DST: variants seen among roughly 807,000 people sequenced by gnomAD.
DST encodes dystonin.
DST carries 253 observed loss-of-function variants against 875.2 expected under a neutral mutation model. The observed-to-expected ratio is 0.29, with a 90% CI of 0.26 to 0.32. DST has a LOEUF of 0.32. DST is among the 10% of genes least tolerant of loss of function. The pLI is 1.00. For missense variants in DST, 8,287 were observed against 9,111.6 expected (o/e 0.91, Z 3.68); for synonymous variants, 3,124 against 3,197.1 (o/e 0.98, Z 0.77).
intron 4 of DST, among the ~76,000 whole-genome samples, chr6:56,744,193 G>T (rs1034383158): frequency 6.6e-6 from 1 of 151,866 alleles, no homozygotes; most frequent in Non-Finnish European, 1.5e-5. Flanking sequence ...ATTGTTAATG[G>T]TGGGAATCCA....
At chr6:56,770,226 C>G (rs1319732231) in intron 4 of DST, among the ~76,000 whole-genome samples, 1 of 152,100 alleles carries the variant, frequency 6.6e-6, no homozygotes, top group Non-Finnish European at 1.5e-5. Context: ...AACTGGGGTA[C>G]AGAGAAGTTA....
At chr6:56,950,337 A>G (rs1316859244) in intron 2 of DST, among the ~76,000 whole-genome samples, 3 of 152,148 alleles carry the variant, frequency 2.0e-5, no homozygotes, top group Admixed American at 2.0e-4. Context: ...TTCACTCTGG[A>G]TATTCTCAAA....
chr6:56,460,190 G>T lies in DST; in HGVS notation c.23135C>A (p.Ser7712Tyr). 6.2e-7 allele frequency: 1 copy of T among 1,613,998 alleles called. No individual in the cohort carries two copies. ...TGTTATCAAGCCACTGTCCTCCCCAGAGTGGAAGCCTTTCCCTGATAAATA... is the reference window on the plus strand; with the variant it reads ...TGTTATCAAGCCACTGTCCTCCCCATAGTGGAAGCCTTTCCCTGATAAATA... ...PGYLSGKGFH[S>Y]GEDSGLITTA... The change falls in exon 103 of 104, where the codon TCT becomes TAT. Residue 7712 changes from serine (S) to tyrosine (Y), a missense_variant. Ser to Tyr is a moderately radical substitution (Grantham distance 144, BLOSUM62 -2). Coordinates refer to ENST00000680361, the MANE Select transcript of DST (RefSeq NM_001374736.1).
chr6:56,775,001 A>T lies in DST; in HGVS notation c.626-39712T>A, dbSNP rs1406621705. On this transcript the variant is annotated intron_variant, in intron 4 of 103. Transcript: ENST00000680361. ...GAGCGAAACTCCATCTCAAAAAAAA[A>T]AAAAAAAAAAGGAAAAGAAATACAA... Among the ~76,000 whole-genome samples, 4 of 151,910 alleles carry T rather than the reference A, an allele frequency of 2.6e-5. 1 individual carries two copies. Among genetic ancestry groups the T allele is most frequent in the African/African-American group, 9.7e-5 (4 of 41,378 alleles).
At chr6:56,746,481 T>C (rs1167193187) in intron 4 of DST, among the ~76,000 whole-genome samples, 1 of 152,232 alleles carries the variant, frequency 6.6e-6, no homozygotes, top group African/African-American at 2.4e-5. Flanking sequence ...TGAATTATAG[T>C]TCACCTTTCA....
intron 36 of DST, chr6:56,617,849 G>A: frequency 1.4e-6 from 1 of 729,384 alleles, no homozygotes; most frequent in Non-Finnish European, 2.4e-6. Flanking sequence ...AAAGAGTATA[G>A]CATTATTTTC....
chr6:56,703,009 T>TA (rs749401509), intron 7 of DST, among the ~76,000 whole-genome samples: 57 of 152,228 alleles, frequency 3.7e-4, no homozygotes, highest in Non-Finnish European at 7.6e-4. Flanking sequence ...GGGCACTAGG[T>TA]ATGTAGAAGA....
intron 9 of DST, among the ~76,000 whole-genome samples, chr6:56,675,650 G>A (rs755637704): frequency 2.6e-5 from 4 of 152,110 alleles, no homozygotes; most frequent in African/African-American, 7.2e-5. Context: ...TCAGGAGATC[G>A]AGACCATTCT....
intron 36 of DST, chr6:56,619,861 G>C: frequency 6.2e-7 from 1 of 1,614,040 alleles, no homozygotes; most frequent in Admixed American, 1.7e-5. Context: ...CAAGCTGGAG[G>C]GCATTAAGTT....
At chr6:56,889,316 A>G (rs1174049997) in intron 3 of DST, among the ~76,000 whole-genome samples, 2 of 152,176 alleles carry the variant, frequency 1.3e-5, no homozygotes, top group Admixed American at 6.6e-5. Context: ...TCCAATCCTC[A>G]ATCCAAACCT....
rs566747073 is a variant in DST at position 56,583,943 on chromosome 6, T to C, written c.12904-5006A>G. Among the ~76,000 whole-genome samples, 80 of 152,324 alleles carry C rather than the reference T, an allele frequency of 5.3e-4. 1 individual carries two copies. Among genetic ancestry groups the C allele is most frequent in the African/African-American group, 1.8e-3 (73 of 41,562 alleles). ...TTTCTGAGGGCTCTGTTCTGTTCCA[T>C]TGATCTATATCTCTGTTTTGGTACC... On this transcript the variant is annotated intron_variant, in intron 49 of 103. Coordinates refer to ENST00000680361, the MANE Select transcript of DST (RefSeq NM_001374736.1).
rs1337330911 is a variant in DST at position 56,625,139 on chromosome 6, C to G, written c.4830+18G>C. ...TTCTTTTATGCCCCTTCCCCTCTTTCTCTCATACTTTTATTACCTCTTGAA... is the reference window on the plus strand; with the variant it reads ...TTCTTTTATGCCCCTTCCCCTCTTTGTCTCATACTTTTATTACCTCTTGAA... On this transcript the variant is annotated intron_variant, in intron 35 of 103. Coordinates refer to ENST00000680361, the MANE Select transcript of DST (RefSeq NM_001374736.1). 4 of 1,545,636 alleles carry G rather than the reference C, an allele frequency of 2.6e-6. No homozygotes were observed. Among genetic ancestry groups the G allele is most frequent in the East Asian group, 4.5e-5 (2 of 44,524 alleles).
intron 13 of DST, among the ~76,000 whole-genome samples, chr6:56,646,903 T>C (rs1438181896): frequency 6.6e-6 from 1 of 152,264 alleles, no homozygotes; most frequent in African/African-American, 2.4e-5. Context: ...TTGTAATTCA[T>C]GCAGCTACAA....
At chr6:56,834,137 A>G (rs1288597475) in intron 4 of DST, among the ~76,000 whole-genome samples, 1 of 151,480 alleles carries the variant, frequency 6.6e-6, no homozygotes, top group Non-Finnish European at 1.5e-5. Flanking sequence ...CTGAGGCAGG[A>G]GGAGCTGCTG....
intron 27 of DST, 37 bp from the exon 28 acceptor site, chr6:56,633,074 T>G: frequency 6.3e-7 from 1 of 1,576,026 alleles, no homozygotes; most frequent in Non-Finnish European, 8.7e-7. Flanking sequence ...TTCATTCTAT[T>G]ACTCATAGAT....
intron 3 of DST, among the ~76,000 whole-genome samples, chr6:56,899,669 ATTACT>A (rs1321191735): frequency 1.3e-5 from 2 of 152,242 alleles, no homozygotes; most frequent in East Asian, 1.9e-4. Context: ...CAGTCATAAA[ATTACT>A]TTACAAGTTT....
At chr6:56,680,009 C>T (rs2099149645) in intron 9 of DST, among the ~76,000 whole-genome samples, 1 of 152,098 alleles carries the variant, frequency 6.6e-6, no homozygotes. Context: ...CAATAATTCC[C>T]TCTCACGTGG....
At chr6:56,915,330 C>T (rs569072320) in intron 2 of DST, among the ~76,000 whole-genome samples, 1 of 152,176 alleles carries the variant, frequency 6.6e-6, no homozygotes, top group Non-Finnish European at 1.5e-5. Flanking sequence ...AACTTCCCAA[C>T]TGCAAATTCT....
chr6:56,589,648 C>T (rs1485965922), intron 49 of DST, among the ~76,000 whole-genome samples: 1 of 152,228 alleles, frequency 6.6e-6, no homozygotes, highest in Non-Finnish European at 1.5e-5. Flanking sequence ...TGGTTCCACA[C>T]CCAGGCCTTG....
Sources: allele counts gnomAD v4.1 joint callset (sites outside exome capture counted in the v4.1 genomes callset), GRCh38; gene constraint gnomAD v4.1.1; transcripts MANE v1.5; gene names NCBI Gene and HGNC (gene_info 2026-07-23, HGNC 2026-07-21).